The following DNAJC1 variants were observed in gnomAD, a reference collection of about 807,000 sequenced individuals.
DNAJC1 encodes the protein DnaJ heat shock protein family (Hsp40) member C1, also known as dnaJ homolog subfamily C member 1.
Under a neutral mutation model 76.6 loss-of-function variants are expected in DNAJC1, and 58 were observed. That is an observed-to-expected ratio of 0.76 (90% CI 0.61 to 0.94). The LOEUF (loss-of-function observed/expected upper bound fraction) is 0.94, where lower values mean the gene tolerates loss of function less well. DNAJC1 is among the 40% of genes least tolerant of loss of function. The pLI is 0.00. For missense variants in DNAJC1, 689 were observed against 677.3 expected, an observed-to-expected ratio of 1.02 and a Z score of -0.19; for synonymous variants, 258 against 267.9, an observed-to-expected ratio of 0.96 and a Z score of 0.36.
intron 8 of DNAJC1, among the ~76,000 whole-genome samples, chr10:21,870,117 T>C (rs1407043035): frequency 6.6e-6 from 1 of 151,976 alleles, no homozygotes; most frequent in Non-Finnish European, 1.5e-5. Flanking sequence ...AGAAGGTTCA[T>C]TCCAGAAAAA....
intron 8 of DNAJC1, among the ~76,000 whole-genome samples, chr10:21,843,199 T>C (rs1035292531): frequency 2.0e-5 from 3 of 152,172 alleles, no homozygotes; most frequent in Non-Finnish European, 4.4e-5. Context: ...ATAAGCTTAA[T>C]TCTATTTTTC....
intron 8 of DNAJC1, among the ~76,000 whole-genome samples, chr10:21,881,984 C>G (rs1481457355): frequency 6.6e-6 from 1 of 151,776 alleles, no homozygotes; most frequent in African/African-American, 2.4e-5. Flanking sequence ...GAAACCCTGT[C>G]TCTACTAAAA....
At position 21,824,178 on chromosome 10, in the gene DNAJC1, C is replaced by G. The variant is rs141902905; in HGVS notation, c.979-18079G>C. Among the ~76,000 whole-genome samples, 1,177 of 152,248 alleles carry G rather than the reference C, an allele frequency of 7.7e-3. 15 individuals are homozygous for G. The highest frequency in any genetic ancestry group is 0.011 in the Non-Finnish European group (720 of 68,006). On this transcript the variant is annotated intron_variant, in intron 8 of 11. Coordinates refer to ENST00000376980, the MANE Select transcript of DNAJC1 (RefSeq NM_022365.4). ...ACTAAACAGTTCTTCTGGCATGTAA[C>G]CATACAGACTAAATTCACTTGCTCT...
intron 9 of DNAJC1, among the ~76,000 whole-genome samples, chr10:21,790,761 T>C (rs1465066905): frequency 1.3e-5 from 2 of 151,760 alleles, no homozygotes; most frequent in African/African-American, 2.4e-5. Context: ...CAAATCTTAA[T>C]ATTACAGAAA....
chr10:21,921,928 G>C (rs1837049995), intron 3 of DNAJC1, among the ~76,000 whole-genome samples: 1 of 151,936 alleles, frequency 6.6e-6, no homozygotes, highest in Non-Finnish European at 1.5e-5. Context: ...CCTGTTAATT[G>C]AACACAACTC....
At chr10:21,771,822 T>C (rs1834381498) in intron 9 of DNAJC1, among the ~76,000 whole-genome samples, 1 of 152,226 alleles carries the variant, frequency 6.6e-6, no homozygotes, top group African/African-American at 2.4e-5. Context: ...GAGATGATCG[T>C]GTGATACTGC....
chr10:21,980,776 GA>G (rs1838142604), intron 1 of DNAJC1, among the ~76,000 whole-genome samples: 1 of 152,012 alleles, frequency 6.6e-6, no homozygotes, highest in Non-Finnish European at 1.5e-5. Context: ...ATTTCAAAAT[GA>G]AAAATTATAC....
At chr10:21,835,591 G>A (rs886280734) in intron 8 of DNAJC1, among the ~76,000 whole-genome samples, 2 of 152,134 alleles carry the variant, frequency 1.3e-5, no homozygotes, top group African/African-American at 4.8e-5. Flanking sequence ...AAAATTAGAC[G>A]AATGGATAAC....
At chr10:21,816,958 T>A (rs1835087733) in intron 8 of DNAJC1, among the ~76,000 whole-genome samples, 1 of 143,220 alleles carries the variant, frequency 7.0e-6, no homozygotes. Context: ...ATCAAGACCA[T>A]CCTGGCTAAC....
chr10:21,864,881 A>G (rs1166684154), intron 8 of DNAJC1, among the ~76,000 whole-genome samples: 2 of 152,096 alleles, frequency 1.3e-5, no homozygotes, highest in Non-Finnish European at 2.9e-5. Flanking sequence ...AAACTCTTAA[A>G]CTGAGCAATA....
intron 8 of DNAJC1, among the ~76,000 whole-genome samples, chr10:21,823,400 A>G (rs1313388272): frequency 6.6e-6 from 1 of 152,202 alleles, no homozygotes; most frequent in Non-Finnish European, 1.5e-5. Flanking sequence ...TGATGCTCAT[A>G]TATGTGTGCC....
chr10:21,791,545 C>A (rs1209876906), intron 9 of DNAJC1, among the ~76,000 whole-genome samples: 1 of 152,118 alleles, frequency 6.6e-6, no homozygotes, highest in Non-Finnish European at 1.5e-5. Context: ...ATCAAGTATC[C>A]TCTCTGACCA....
chr10:21,834,762 G>A (rs565308468), intron 8 of DNAJC1, among the ~76,000 whole-genome samples: 3 of 152,308 alleles, frequency 2.0e-5, no homozygotes, highest in South Asian at 2.1e-4. Context: ...AGGTGGCAGC[G>A]AGGCTGGGGG....
intron 8 of DNAJC1, chr10:21,865,272 A>G (rs550250685): frequency 6.6e-6 from 1 of 152,144 alleles, no homozygotes; most frequent in Non-Finnish European, 1.5e-5. Context: ...TTGCACTTGA[A>G]TCTTCATAGC....
chr10:21,789,924 T>G (rs1834660110), intron 9 of DNAJC1, among the ~76,000 whole-genome samples: 5 of 149,334 alleles, frequency 3.3e-5, no homozygotes, highest in Admixed American at 2.0e-4. Flanking sequence ...GCATGAGAAT[T>G]GCTTGAATCC....
rs184653861 is a variant in DNAJC1 at position 21,914,304 on chromosome 10, C to G, written c.729+4475G>C. Among the ~76,000 whole-genome samples the G allele has an allele frequency of 1.1e-3, 175 of 152,266 alleles. No homozygotes were observed. The Middle Eastern group carries it at 0.024, about 21-fold the overall frequency. ...AATTCTCCCAATATCCTTCTCAGAG[C>G]AAAGGAAAGGAACAAAATCCAGTGC... is the stretch of plus-strand genomic sequence containing the variant. On this transcript the variant is annotated intron_variant, in intron 6 of 11. Coordinates refer to ENST00000376980, the MANE Select transcript of DNAJC1 (RefSeq NM_022365.4).
rs1158018763 is a variant in DNAJC1, at chr10:21,913,756, AAC to A, written c.729+5021_729+5022del. On this transcript the variant is annotated intron_variant, in intron 6 of 11. Coordinates refer to ENST00000376980, the MANE Select transcript of DNAJC1 (RefSeq NM_022365.4). ...TCTTCAAACCCACCAGGAGAGCAGAAACAGACTGGTAAGATGTCAAAGTGTCA... is the reference window on the plus strand; with the variant it reads ...TCTTCAAACCCACCAGGAGAGCAGAAAGACTGGTAAGATGTCAAAGTGTCA... Among the ~76,000 whole-genome samples, 9 of 152,328 alleles carry A rather than the reference AAC, an allele frequency of 5.9e-5. 1 individual carries two copies. The highest frequency in any genetic ancestry group is 1.9e-4 in the African/African-American group (8 of 41,568).
intron 1 of DNAJC1, among the ~76,000 whole-genome samples, chr10:21,975,511 AG>A (rs1227001662): frequency 6.6e-6 from 1 of 152,196 alleles, no homozygotes; most frequent in East Asian, 1.9e-4. Context: ...TATAAATAAA[AG>A]GGTGGCAGCT....
rs1034285287 is a variant in DNAJC1 at position 21,814,836 on chromosome 10, G to A, written c.979-8737C>T. Among the ~76,000 whole-genome samples, 9 of 152,298 alleles carry A rather than the reference G, an allele frequency of 5.9e-5. No homozygotes were observed. The South Asian group carries it at 8.3e-4, about 14-fold the overall frequency. On this transcript the variant is annotated intron_variant, in intron 8 of 11. Transcript: ENST00000376980. ...GAACAAAAGTAACCTCACAGAAAAT[G>A]AGAAAGTAACTCAAAGAAATGTACG...
Sources: gnomAD v4.1 joint callset for allele counts (sites outside exome capture counted in the v4.1 genomes callset) on GRCh38, gnomAD v4.1.1 for gene constraint, MANE v1.5 for transcripts, NCBI Gene and HGNC (gene_info 2026-07-23, HGNC 2026-07-21) for gene names.